NXN: variants seen among roughly 807,000 people sequenced by gnomAD.
NXN encodes nucleoredoxin 1.
NXN carries 16 observed loss-of-function variants against 48.6 expected under a neutral mutation model. That is an observed-to-expected ratio of 0.33 (90% confidence interval 0.22 to 0.50). The LOEUF is 0.50. Among genes scored for constraint, NXN ranks in the 20% least tolerant of loss-of-function variants. NXN has a pLI of 0.98. For synonymous variants in NXN, 281 were observed against 269.6 expected (o/e 1.04, Z -0.41); for missense variants, 492 against 605.5 (o/e 0.81, Z 1.97).
At chr17:827,887 A>T (rs945852885) in intron 1 of NXN, among the ~76,000 whole-genome samples, 2 of 152,134 alleles carry the variant, frequency 1.3e-5, no homozygotes, top group Admixed American at 1.3e-4. Flanking sequence ...GTTCCATCCG[A>T]AGCGGTGAGG....
intron 1 of NXN, among the ~76,000 whole-genome samples, chr17:975,131 A>T (rs1302906677): frequency 6.6e-6 from 1 of 152,042 alleles, no homozygotes; most frequent in African/African-American, 2.4e-5. Flanking sequence ...GCCTGCTCCT[A>T]ACTGGACTGT....
rs141912707 is a variant in NXN at position 897,754 on chromosome 17, C to T, written c.361-71676G>A. On this transcript the variant is annotated intron_variant, in intron 1 of 7. Transcript: ENST00000336868. ...GCAGTGGCACGATCTCGGCTCACTG[C>T]AACCTCGGCCTCCAAGGTTCAAGCA... Among the ~76,000 whole-genome samples, 1,755 of 152,286 alleles carry T rather than the reference C, an allele frequency of 0.012. 98 individuals are homozygous for T. The East Asian group carries it at 0.19, about 17-fold the overall frequency.
chr17:896,677 T>C (rs370014060), intron 1 of NXN, among the ~76,000 whole-genome samples: 5 of 152,214 alleles, frequency 3.3e-5, no homozygotes, highest in South Asian at 2.1e-4. Flanking sequence ...CTTCTCATCT[T>C]AGTCACCCCG....
rs1472769576 is a variant in NXN, at chr17:849,603, GC to G, written c.361-23526del. On this transcript the variant is annotated intron_variant, in intron 1 of 7. Transcript: ENST00000336868. The surrounding 1 kb of genome is among the most constrained non-coding windows in gnomAD (Gnocchi z 4.2). ...CGCACTGGCCCTCTCAGCCTCAGGG[GC>G]CGCTGGACTCCCTCTTCCCTCCCTC... is the stretch of plus-strand genomic sequence containing the variant. Among the ~76,000 whole-genome samples, 1 of 152,156 alleles carries G rather than the reference GC, an allele frequency of 6.6e-6. No individual in the cohort carries two copies. Among genetic ancestry groups the G allele is most frequent in the Non-Finnish European group, 1.5e-5 (1 of 68,040 alleles).
chr17:854,067 C>T (rs923640953), intron 1 of NXN, among the ~76,000 whole-genome samples: 8 of 152,058 alleles, frequency 5.3e-5, no homozygotes, highest in Non-Finnish European at 1.2e-4. Flanking sequence ...GTGTGTCCCC[C>T]CACTGGACTA....
intron 1 of NXN, among the ~76,000 whole-genome samples, chr17:908,685 A>C (rs1048005910): frequency 6.6e-6 from 1 of 152,232 alleles, no homozygotes; most frequent in African/African-American, 2.4e-5. Context: ...AGCTCCTTCC[A>C]TCCCATGAGC....
chr17:803,678 T>C lies in NXN; in HGVS notation c.1125+4A>G. On this transcript the variant is annotated splice_donor_region_variant and intron_variant, in intron 7 of 7. Transcript: ENST00000336868. ...CCTGGGCCAAGCCTCTCCTCCGCAC[T>C]CACCTCCCCGGCTACGAAGAACAGA... The C allele has an allele frequency of 1.2e-6, 2 of 1,614,146 alleles. No individual in the cohort carries two copies. The highest frequency in any genetic ancestry group is 8.5e-7 in the Non-Finnish European group (1 of 1,180,018).
At chr17:966,489 AGGCATGCGCCACCACGCCC>A (rs1251322198) in intron 1 of NXN, among the ~76,000 whole-genome samples, 1 of 152,054 alleles carries the variant, frequency 6.6e-6, no homozygotes, top group African/African-American at 2.4e-5. Context: ...TTGGGATTGC[AGGCATGCGCCACCACGCCC>A]GGCTAATTTT....
intron 5 of NXN, among the ~76,000 whole-genome samples, chr17:814,103 A>T (rs908799620): frequency 1.3e-5 from 2 of 151,872 alleles, no homozygotes; most frequent in African/African-American, 2.4e-5. Flanking sequence ...TCTACTAAAA[A>T]TACAAAAAGT....
At chr17:972,920 A>G (rs2069406043) in intron 1 of NXN, among the ~76,000 whole-genome samples, 1 of 151,608 alleles carries the variant, frequency 6.6e-6, no homozygotes, top group Admixed American at 6.6e-5. Context: ...AGTCCCAGCT[A>G]CTCGGGAGGC....
intron 1 of NXN, among the ~76,000 whole-genome samples, chr17:952,186 G>A (rs56017358): frequency 0.017 from 1,933 of 111,748 alleles, 8 homozygotes; most frequent in Non-Finnish European, 0.027. Flanking sequence ...GGGGGGCTGG[G>A]GTCAGAGAGA....
intron 5 of NXN, among the ~76,000 whole-genome samples, chr17:812,088 T>C (rs7217124): frequency 0.073 from 10,890 of 149,358 alleles, 901 homozygotes; most frequent in African/African-American, 0.2. Context: ...TCACCACGCC[T>C]GGCTAATTTT....
intron 1 of NXN, among the ~76,000 whole-genome samples, chr17:972,242 C>T (rs1567527180): frequency 2.0e-5 from 3 of 151,974 alleles, no homozygotes; most frequent in Admixed American, 6.5e-5. Flanking sequence ...GCAGAGGTCA[C>T]GGTGAGCTGA....
At chr17:809,305 C>T (rs78706080) in intron 5 of NXN, among the ~76,000 whole-genome samples, 1 of 152,216 alleles carries the variant, frequency 6.6e-6, no homozygotes, top group Non-Finnish European at 1.5e-5. Flanking sequence ...CCTACAGACC[C>T]CTTTCACCGT....
At chr17:869,544 C>T (rs370196037) in intron 1 of NXN, among the ~76,000 whole-genome samples, 17 of 152,352 alleles carry the variant, frequency 1.1e-4, no homozygotes, top group African/African-American at 3.4e-4. Context: ...TTCACATCCA[C>T]ATACTTTAAG....
chr17:910,513 ATTGTCTGGAGGGTTT>A (rs2068626070), intron 1 of NXN, among the ~76,000 whole-genome samples: 2 of 151,970 alleles, frequency 1.3e-5, no homozygotes, highest in Admixed American at 6.6e-5. Context: ...AATGCATAAT[ATTGTCTGGAGGGTTT>A]TTATTTGTTT....
rs1457841996 is a variant in NXN, at chr17:920,219, T to C, written c.360+59100A>G. On this transcript the variant is annotated intron_variant, in intron 1 of 7. Transcript: ENST00000336868. This position sits in a 1 kb window ranked among gnomAD's most constrained non-coding sequence, Gnocchi z 4.6. The stretch of plus-strand genomic sequence containing the variant: ...CCAGTCTACACCCCGAAATCCAACA[T>C]TACAAACTTATCAATGCTGCCTCCT... Among the ~76,000 whole-genome samples, 1 of 152,102 alleles carries C rather than the reference T, an allele frequency of 6.6e-6. No individual in the cohort carries two copies. Among genetic ancestry groups the C allele is most frequent in the Non-Finnish European group, 1.5e-5 (1 of 68,028 alleles).
Position 842,925 on chromosome 17 carries a change from G to A in NXN, c.361-16847C>T, listed in dbSNP as rs571504007. 4.0e-5 allele frequency among the ~76,000 whole-genome samples: 6 copies of A among 150,208 alleles called. No individual in the cohort carries two copies. In the East Asian group the frequency reaches 1.2e-3, roughly 30 times the overall value. The stretch of plus-strand genomic sequence containing the variant: ...TTGCACTCCAGCCTGGGCAACAAGA[G>A]CAAAATTCCGTCTCAAAAAAAGAAA... On this transcript the variant is annotated intron_variant, in intron 1 of 7. Transcript: ENST00000336868.
intron 1 of NXN, among the ~76,000 whole-genome samples, chr17:867,993 A>G (rs1047343229): frequency 3.9e-5 from 6 of 152,038 alleles, no homozygotes; most frequent in Admixed American, 3.9e-4. Flanking sequence ...CCTTGTTACT[A>G]ATGACCTTCA....
Sources: gnomAD v4.1 joint callset for allele counts (sites outside exome capture counted in the v4.1 genomes callset) on GRCh38, gnomAD v4.1.1 for gene constraint, Gnocchi (gnomAD v3.1) non-coding constraint, MANE v1.5 for transcripts, NCBI Gene and HGNC (gene_info 2026-07-23, HGNC 2026-07-21) for gene names.